The following SLC66A2 variants were observed in gnomAD, a reference collection of about 807,000 sequenced individuals.
The protein encoded by SLC66A2 is solute carrier family 66 member 2.
In SLC66A2, 23 loss-of-function variants were observed where a neutral mutation model predicts 25.5. The observed-to-expected ratio is 0.90, with a 90% CI of 0.65 to 1.28. The LOEUF is 1.28. SLC66A2 is among the 50% of genes most tolerant of loss of function. SLC66A2 has a pLI of 0.00. For synonymous variants in SLC66A2, 193 were observed against 166.5 expected (o/e 1.16, Z -1.23); for missense variants, 396 against 373.1 (o/e 1.06, Z -0.51).
rs1987216879 is a variant in SLC66A2, at chr18:79,937,492, A to G, written c.338-3470T>C. Among the ~76,000 whole-genome samples the G allele has an allele frequency of 6.6e-6, 1 of 152,186 alleles. No individual in the cohort carries two copies. Among genetic ancestry groups the G allele is most frequent in the African/African-American group, 2.4e-5 (1 of 41,432 alleles). ...GGGAACCAACTTTGAAAACTGGTAAAGAGACCCGCATTTCCTTTATAAATT... is the reference window on the plus strand; with the variant it reads ...GGGAACCAACTTTGAAAACTGGTAAGGAGACCCGCATTTCCTTTATAAATT... On this transcript the variant is annotated intron_variant, in intron 3 of 5. Transcript: ENST00000397778. The surrounding 1 kb of genome is among the most constrained non-coding windows in gnomAD (Gnocchi z 5.4).
intron 2 of SLC66A2, chr18:79,943,669 C>A (rs371723468): frequency 7.2e-6 from 4 of 555,014 alleles, no homozygotes; most frequent in East Asian, 6.6e-5. Flanking sequence ...ACACCTGGGT[C>A]AGGAGGGAGG....
chr18:79,932,942 A>G (rs999410764), intron 4 of SLC66A2, among the ~76,000 whole-genome samples: 4 of 152,362 alleles, frequency 2.6e-5, no homozygotes, highest in Admixed American at 2.6e-4. Flanking sequence ...ACATTTCCCA[A>G]CTTATTCTAT....
At chr18:79,908,987 T>C (rs1415697792) in intron 5 of SLC66A2, among the ~76,000 whole-genome samples, 1 of 152,272 alleles carries the variant, frequency 6.6e-6, no homozygotes, top group Non-Finnish European at 1.5e-5. Flanking sequence ...AGTTGGTTTC[T>C]ATTGACTGTC....
chr18:79,938,156 A>G (rs1987294277), intron 3 of SLC66A2, among the ~76,000 whole-genome samples: 2 of 151,074 alleles, frequency 1.3e-5, no homozygotes, highest in Non-Finnish European at 2.9e-5. Flanking sequence ...AAAAAAAAAA[A>G]AAAGAAAGAA....
At position 79,903,814 on chromosome 18, in the gene SLC66A2, C is replaced by T. The variant is rs1002597599; in HGVS notation, c.*162G>A. On this transcript the variant is annotated 3_prime_UTR_variant, in exon 6 of 6. Transcript: ENST00000397778. The stretch of plus-strand genomic sequence containing the variant: ...AAACAGCGTCCCAGCCCCACCCCCA[C>T]TGCCCACCCTGAGACACCCCACAGA... 8.4e-6 allele frequency: 5 copies of T among 595,940 alleles called. No homozygotes were observed. The Admixed American group carries it at 1.7e-4, about 20-fold the overall frequency. The allele number at this position is 595,940 out of a possible 1,614,324, so 36.9% of individuals were successfully genotyped here.
At chr18:79,906,603 T>G (rs1008930692) in intron 5 of SLC66A2, among the ~76,000 whole-genome samples, 1 of 152,242 alleles carries the variant, frequency 6.6e-6, no homozygotes, top group Admixed American at 6.5e-5. Flanking sequence ...CAATTTCAGT[T>G]CTTTTTTAAA....
Position 79,917,505 on chromosome 18 carries a change from G to A in SLC66A2, c.608+1679C>T, listed in dbSNP as rs996500415. Among the ~76,000 whole-genome samples the A allele has an allele frequency of 3.3e-5, 5 of 152,106 alleles. No homozygotes were observed. Among genetic ancestry groups the A allele is most frequent in the African/African-American group, 4.8e-5 (2 of 41,414 alleles). ...CCACAGATCTCCAGGTCGCAAGCTC[G>A]GCACGCGGGCACTGCCCACAGGATC... On this transcript the variant is annotated intron_variant, in intron 5 of 5. Coordinates refer to ENST00000397778, the MANE Select transcript of SLC66A2 (RefSeq NM_025078.5). The surrounding 1 kb of genome is among the most constrained non-coding windows in gnomAD (Gnocchi z 6.0).
intron 5 of SLC66A2, among the ~76,000 whole-genome samples, chr18:79,909,855 CCCA>C (rs1208023366): frequency 2.1e-5 from 3 of 140,096 alleles, no homozygotes; most frequent in Non-Finnish European, 3.1e-5. Context: ...CCCAGGCTTC[CCCA>C]CCATCTCACC....
At chr18:79,910,953 C>A (rs1307293082) in intron 5 of SLC66A2, among the ~76,000 whole-genome samples, 1 of 152,260 alleles carries the variant, frequency 6.6e-6, no homozygotes, top group African/African-American at 2.4e-5. Flanking sequence ...TCAGGTAAAG[C>A]CATGTGGTCT....
At chr18:79,921,673 C>G (rs201344131) in intron 4 of SLC66A2, among the ~76,000 whole-genome samples, 15 of 6,590 alleles carry the variant, frequency 2.3e-3, no homozygotes, top group African/African-American at 3.5e-3. Context: ...AGAGGTCAAG[C>G]TCAGTGGGGA....
Position 79,903,987 on chromosome 18 carries a change from T to TG in SLC66A2, c.804dup (p.Lys269GlnfsTer89). ...CGTCCTCCCCACTGTCAGAGGGCCTTGGTGCCAGTGGGGTGCACGGCGTGG... is the reference window on the plus strand; with the variant it reads ...CGTCCTCCCCACTGTCAGAGGGCCTTGGGTGCCAGTGGGGTGCACGGCGTGG... On this transcript the variant is annotated frameshift_variant, in exon 6 of 6. Transcript: ENST00000397778. LOFTEE classifies it high-confidence loss of function. 1 of 1,601,866 alleles carries TG rather than the reference T, an allele frequency of 6.2e-7. No individual in the cohort carries two copies. The highest frequency in any genetic ancestry group is 8.5e-7 in the Non-Finnish European group (1 of 1,175,740).
intron 4 of SLC66A2, among the ~76,000 whole-genome samples, chr18:79,924,009 CCT>C (rs1985607715): frequency 6.6e-6 from 1 of 151,162 alleles, no homozygotes; most frequent in Admixed American, 6.6e-5. Context: ...TGCACTGCAG[CCT>C]GGGTGACAGA....
intron 4 of SLC66A2, among the ~76,000 whole-genome samples, chr18:79,933,585 A>G (rs1442051746): frequency 6.6e-6 from 1 of 152,264 alleles, no homozygotes; most frequent in Non-Finnish European, 1.5e-5. Flanking sequence ...ACATTTCTAT[A>G]AAGTAGCAAT....
At chr18:79,932,524 T>G (rs1986675203) in intron 4 of SLC66A2, among the ~76,000 whole-genome samples, 1 of 151,780 alleles carries the variant, frequency 6.6e-6, no homozygotes, top group African/African-American at 2.4e-5. Flanking sequence ...TTTTAAAAAG[T>G]TGGTTATTTG....
chr18:79,934,773 A>C (rs749475157), intron 3 of SLC66A2, among the ~76,000 whole-genome samples: 7 of 152,254 alleles, frequency 4.6e-5, no homozygotes, highest in Non-Finnish European at 8.8e-5. Flanking sequence ...TCCTGGGATC[A>C]GAAAGCAGAA....
chr18:79,950,905 A>G lies in SLC66A2; in HGVS notation c.22T>C (p.Trp8Arg). The change falls in exon 2 of 6, where the codon TGG becomes CGG. Residue 8 changes from tryptophan to arginine, a missense_variant. Coordinates refer to ENST00000397778, the MANE Select transcript of SLC66A2 (RefSeq NM_025078.5). MEAEGLD[W>R]LLVPLHQLVS... Reference sequence around the variant, plus strand: ...AGCTGGTGCAGTGGCACCAGGAGCCAGTCCAGGCCCTCGGCCTCCATCGCA... The same window carrying G: ...AGCTGGTGCAGTGGCACCAGGAGCCGGTCCAGGCCCTCGGCCTCCATCGCA... 6.3e-7 allele frequency: 1 copy of G among 1,586,904 alleles called. No homozygotes were observed. Among genetic ancestry groups the G allele is most frequent in the Non-Finnish European group, 8.6e-7 (1 of 1,167,542 alleles).
intron 2 of SLC66A2, chr18:79,947,467 C>T (rs2050964002): frequency 6.5e-6 from 1 of 152,694 alleles, no homozygotes; most frequent in Admixed American, 6.5e-5. Context: ...GGGGAGCTGC[C>T]CAGAGGGACT....
chr18:79,943,628 G>T, intron 2 of SLC66A2, 166 bp from the exon 3 acceptor site: 1 of 696,638 alleles, frequency 1.4e-6, no homozygotes, highest in Non-Finnish European at 2.3e-6. Flanking sequence ...CACCCACATC[G>T]CCTCTCCCAG....
Position 79,904,217 on chromosome 18 carries a change from G to T in SLC66A2, c.609-34C>A, listed in dbSNP as rs775129806. ...ACACAAGCAGGCGGTCAGCGGTGGGGAGGGCGGCGACCTGGGCTCAGTCAG... is the reference window on the plus strand; with the variant it reads ...ACACAAGCAGGCGGTCAGCGGTGGGTAGGGCGGCGACCTGGGCTCAGTCAG... On this transcript the variant is annotated intron_variant, in intron 5 of 5. Transcript: ENST00000397778. The surrounding 1 kb of genome is among the most constrained non-coding windows in gnomAD (Gnocchi z 6.3). 6.3e-7 allele frequency: 1 copy of T among 1,595,244 alleles called. No individual in the cohort carries two copies. The highest frequency in any genetic ancestry group is 8.6e-7 in the Non-Finnish European group (1 of 1,164,786).
Sources: gnomAD v4.1 joint callset for allele counts (sites outside exome capture counted in the v4.1 genomes callset) on GRCh38, gnomAD v4.1.1 for gene constraint, Gnocchi (gnomAD v3.1) non-coding constraint, MANE v1.5 for transcripts, NCBI Gene and HGNC (gene_info 2026-07-23, HGNC 2026-07-21) for gene names.